DDX60: variants seen among roughly 807,000 people sequenced by gnomAD.
The protein encoded by DDX60 is DExD/H-box helicase 60.
Under a neutral mutation model 212.8 loss-of-function variants are expected in DDX60, and 165 were observed. The ratio of observed to expected loss-of-function variants is 0.78; its 90% CI spans 0.68 to 0.88. The LOEUF is 0.88. Among genes scored for constraint, DDX60 ranks in the 40% least tolerant of loss-of-function variants. The pLI is 0.00. For missense variants in DDX60, 1,905 were observed against 2,003.9 expected (o/e 0.95, Z 0.94); for synonymous variants, 703 against 685.3 (o/e 1.03, Z -0.40).
chr4:168,248,304 A>G lies in DDX60; in HGVS notation c.3859-12T>C. The G allele has an allele frequency of 6.4e-7, 1 of 1,554,990 alleles. No individual in the cohort carries two copies. Among genetic ancestry groups the G allele is most frequent in the Non-Finnish European group, 8.7e-7 (1 of 1,146,098 alleles). Reference sequence around the variant, plus strand: ...GTAGCTGTCACCACCTTGAAAGAGAATAAAACAATTACTTCATAAAATAGC... The same window carrying G: ...GTAGCTGTCACCACCTTGAAAGAGAGTAAAACAATTACTTCATAAAATAGC... On this transcript the variant is annotated splice_polypyrimidine_tract_variant and intron_variant, in intron 28 of 37. Coordinates refer to ENST00000393743, the MANE Select transcript of DDX60 (RefSeq NM_017631.6).
At position 168,306,502 on chromosome 4, in the gene DDX60, T is replaced by A; in HGVS notation, c.483A>T (p.Leu161Phe). 1 of 1,614,170 alleles carries A rather than the reference T, an allele frequency of 6.2e-7. No individual in the cohort carries two copies. Residue 161 changes from leucine (L) to phenylalanine (F), a missense_variant, in exon 5 of 38, where the codon TTA (leucine) becomes TTT (phenylalanine). Coordinates refer to ENST00000393743, the MANE Select transcript of DDX60 (RefSeq NM_017631.6). ...CCTTCCTTGCCCAAGAATGAATGAT[T>A]AAAAAGTTGAAAAGCTGTGTTTGTA... ...NDLQTQLFNFLIIHSWARKVN... is the reference protein window; with the variant it reads ...NDLQTQLFNFFIIHSWARKVN...
At chr4:168,314,507 GAGAA>G (rs1199093254) in intron 1 of DDX60, among the ~76,000 whole-genome samples, 6 of 152,164 alleles carry the variant, frequency 3.9e-5, no homozygotes, top group Non-Finnish European at 8.8e-5. Context: ...GCTAGAGAGA[GAGAA>G]AGAGAAAAAG....
At chr4:168,308,331 T>G in intron 3 of DDX60, 136 bp from the exon 4 acceptor site, 2 of 589,556 alleles carry the variant, frequency 3.4e-6, no homozygotes, top group Non-Finnish European at 5.9e-6. Context: ...GTGTCTACAC[T>G]AAGGCTTTTC....
At position 168,239,279 on chromosome 4, in the gene DDX60, T is replaced by C. The variant is rs144478098; in HGVS notation, c.4165-1484A>G. Among the ~76,000 whole-genome samples the C allele has an allele frequency of 4.6e-5, 7 of 151,920 alleles. No individual in the cohort carries two copies. In the East Asian group the frequency reaches 5.8e-4, roughly 13 times the overall value. On this transcript the variant is annotated intron_variant, in intron 30 of 37. Coordinates refer to ENST00000393743, the MANE Select transcript of DDX60 (RefSeq NM_017631.6). ...AGATAGATGATAGGTAGATAGATGA[T>C]TGATAGATGTAGATAGATGGATAGA...
chr4:168,219,123 A>G (rs1211833317), intron 37 of DDX60, among the ~76,000 whole-genome samples: 1 of 148,262 alleles, frequency 6.7e-6, no homozygotes, highest in South Asian at 2.1e-4. Flanking sequence ...CTGTACTAAA[A>G]TACCAAAAAA....
chr4:168,293,743 G>C, intron 7 of DDX60, 44 bp downstream of exon 7: 2 of 1,470,044 alleles, frequency 1.4e-6, no homozygotes, highest in East Asian at 2.3e-5. Flanking sequence ...AATTTCAAAT[G>C]TGGAGAGAAA....
intron 7 of DDX60, among the ~76,000 whole-genome samples, chr4:168,292,819 T>C (rs998702194): frequency 6.6e-6 from 1 of 152,184 alleles, no homozygotes; most frequent in African/African-American, 2.4e-5. Flanking sequence ...TAGAGTCTAA[T>C]CATTAGAAAT....
chr4:168,241,133 G>A (rs995856181), intron 30 of DDX60, among the ~76,000 whole-genome samples: 1 of 152,172 alleles, frequency 6.6e-6, no homozygotes, highest in East Asian at 1.9e-4. Flanking sequence ...GACATGACTT[G>A]CTCCTCCTTG....
At chr4:168,297,362 GAAAGAAAGAAAGAAAGAAAGAGAA>G (rs1560870467) in intron 6 of DDX60, among the ~76,000 whole-genome samples, 57 of 59,352 alleles carry the variant, frequency 9.6e-4, no homozygotes, top group African/African-American at 1.2e-3. Flanking sequence ...AAGAAAGAAA[GAAAGAAAGAAAGAAAGAAAGAGAA>G]AGAAAGAAAG....
chr4:168,243,295 G>C (rs1379684565), intron 30 of DDX60, among the ~76,000 whole-genome samples: 1 of 152,152 alleles, frequency 6.6e-6, no homozygotes, highest in Non-Finnish European at 1.5e-5. Context: ...AAGAGCTTCT[G>C]CACAGCAAAA....
chr4:168,294,537 A>G (rs1272014439), intron 6 of DDX60, among the ~76,000 whole-genome samples: 3 of 151,884 alleles, frequency 2.0e-5, no homozygotes, highest in African/African-American at 7.3e-5. Context: ...GTCTCACTCT[A>G]TCACCCAGAC....
rs771407364 is a variant in DDX60 at position 168,220,639 on chromosome 4, T to G, written c.5039+16A>C. ...TATTAAAAAATCTAAAATCAATATT[T>G]AAATATATAACACACCTGATAGATT... On this transcript the variant is annotated intron_variant, in intron 37 of 37. Transcript: ENST00000393743. 13 of 1,305,184 alleles carry G rather than the reference T, an allele frequency of 1.0e-5. No individual in the cohort carries two copies. The South Asian group carries it at 1.8e-4, about 19-fold the overall frequency. 80.9% of individuals were successfully genotyped at this position (1,305,184 alleles called of 1,614,324 possible).
chr4:168,297,358 GAAAGAAAGAAAGAAAGAAAGAAAGAGAA>G (rs1579068596), intron 6 of DDX60, among the ~76,000 whole-genome samples: 11 of 63,528 alleles, frequency 1.7e-4, no homozygotes, highest in South Asian at 1.0e-3. Flanking sequence ...AAGAAAGAAA[GAAAGAAAGAAAGAAAGAAAGAAAGAGAA>G]AGAAAGAAAG....
At chr4:168,260,260 C>G (rs1734572163) in intron 25 of DDX60, among the ~76,000 whole-genome samples, 1 of 152,122 alleles carries the variant, frequency 6.6e-6, no homozygotes, top group Non-Finnish European at 1.5e-5. Flanking sequence ...GCTATCCCTC[C>G]CCTCTCCCAC....
chr4:168,238,456 AGGG>A (rs1434124081), intron 30 of DDX60, among the ~76,000 whole-genome samples: 4 of 113,640 alleles, frequency 3.5e-5, no homozygotes, highest in Admixed American at 2.1e-4. Context: ...AGGGAAGGGA[AGGG>A]AAGGGAAGGG....
At chr4:168,243,793 G>A (rs1733930704) in intron 30 of DDX60, among the ~76,000 whole-genome samples, 1 of 152,070 alleles carries the variant, frequency 6.6e-6, no homozygotes, top group Non-Finnish European at 1.5e-5. Context: ...CCATTATAAA[G>A]ATATATGCAT....
rs185082944 is a variant in DDX60, at chr4:168,284,952, G to C, written c.1446-17C>G. The C allele has an allele frequency of 7.4e-7, 1 of 1,343,798 alleles. No homozygotes were observed. The highest frequency in any genetic ancestry group is 1.0e-6 in the Non-Finnish European group (1 of 962,662). 83.2% of individuals were successfully genotyped at this position (1,343,798 alleles called of 1,614,324 possible). A position where few individuals can be genotyped will look rare whatever the true frequency, so the allele number is the denominator to read the frequency against. ...GGATCATCACTGTGAGACAAAAAAA[G>C]GCATATTTTAAATTGCACACTTCCA... On this transcript the variant is annotated splice_polypyrimidine_tract_variant and intron_variant, in intron 11 of 37. Transcript: ENST00000393743.
At chr4:168,296,810 T>C (rs1736361790) in intron 6 of DDX60, among the ~76,000 whole-genome samples, 2 of 151,068 alleles carry the variant, frequency 1.3e-5, no homozygotes, top group Non-Finnish European at 2.9e-5. Context: ...GCAGAAGAAA[T>C]CTCTAAGTCT....
At chr4:168,221,110 AAG>A (rs1201149809) in intron 36 of DDX60, among the ~76,000 whole-genome samples, 2 of 152,132 alleles carry the variant, frequency 1.3e-5, no homozygotes, top group Non-Finnish European at 2.9e-5. Flanking sequence ...AACATCTTTG[AAG>A]AGTGTCAGAT....
Sources: gnomAD v4.1 joint callset for allele counts (sites outside exome capture counted in the v4.1 genomes callset) on GRCh38, gnomAD v4.1.1 for gene constraint, MANE v1.5 for transcripts, NCBI Gene and HGNC (gene_info 2026-07-23, HGNC 2026-07-21) for gene names.